KSR2: variants seen among roughly 807,000 people sequenced by gnomAD.
KSR2 encodes the protein kinase suppressor of ras 2.
A neutral mutation model predicts 107.8 loss-of-function variants in KSR2; 25 were observed. The ratio of observed to expected loss-of-function variants is 0.23; its 90% confidence interval spans 0.17 to 0.32. KSR2 has a LOEUF of 0.32. Among genes scored for constraint, KSR2 ranks in the 10% least tolerant of loss-of-function variants. KSR2 has a pLI of 1.00. For synonymous variants in KSR2, 480 were observed against 507.0 expected (o/e 0.95, Z 0.71); for missense variants, 887 against 1,268.9 (o/e 0.70, Z 4.57).
At chr12:117,585,255 A>G (rs1314612481) in intron 5 of KSR2, among the ~76,000 whole-genome samples, 1 of 151,928 alleles carries the variant, frequency 6.6e-6, no homozygotes, top group Non-Finnish European at 1.5e-5. Flanking sequence ...CCTTATTATC[A>G]CCACCTCTCC....
chr12:117,777,683 G>A (rs1297896637), intron 3 of KSR2, among the ~76,000 whole-genome samples: 1 of 152,152 alleles, frequency 6.6e-6, no homozygotes, highest in East Asian at 1.9e-4. Context: ...AGAAGGCAGA[G>A]CCCTGGACTC....
intron 4 of KSR2, among the ~76,000 whole-genome samples, chr12:117,737,881 C>T (rs4767600): frequency 0.9 from 136,020 of 151,682 alleles, 61,299 homozygotes; most frequent in African/African-American, 0.98. Flanking sequence ...ACACTTTTTT[C>T]CTAATAACAC....
At chr12:117,468,967 G>A (rs1298873334) in intron 19 of KSR2, among the ~76,000 whole-genome samples, 7 of 152,186 alleles carry the variant, frequency 4.6e-5, no homozygotes, top group Non-Finnish European at 8.8e-5. Flanking sequence ...GAATACCTGG[G>A]AGCAACTGGC....
chr12:117,733,246 C>T (rs1255134113), intron 4 of KSR2, among the ~76,000 whole-genome samples: 2 of 152,134 alleles, frequency 1.3e-5, no homozygotes, highest in African/African-American at 4.8e-5. Flanking sequence ...CTCCTGTCAC[C>T]CCATGCCGTA....
At chr12:117,819,951 T>C (rs957624773) in intron 3 of KSR2, among the ~76,000 whole-genome samples, 1 of 152,238 alleles carries the variant, frequency 6.6e-6, no homozygotes, top group Non-Finnish European at 1.5e-5. Context: ...AAAGGTTTTA[T>C]AATTAAAATG....
chr12:117,904,521 ATTACCC>A (rs1428498114), intron 1 of KSR2, among the ~76,000 whole-genome samples: 4 of 152,122 alleles, frequency 2.6e-5, no homozygotes, highest in African/African-American at 9.7e-5. Flanking sequence ...CGGTGGCCTT[ATTACCC>A]CTGTTCCACA....
At chr12:117,738,770 G>T (rs1888047322) in intron 4 of KSR2, among the ~76,000 whole-genome samples, 1 of 152,168 alleles carries the variant, frequency 6.6e-6, no homozygotes, top group Non-Finnish European at 1.5e-5. Context: ...AGCTACTCAG[G>T]AGGCTGAAGC....
intron 4 of KSR2, among the ~76,000 whole-genome samples, chr12:117,731,757 A>G (rs996505792): frequency 6.6e-6 from 1 of 151,854 alleles, no homozygotes; most frequent in Non-Finnish European, 1.5e-5. Context: ...GCTCTCTGAA[A>G]CATGTGCTGT....
chr12:117,606,597 T>TTCC lies in KSR2; in HGVS notation c.1172-24239_1172-24238insGGA, dbSNP rs1565923127. The stretch of plus-strand genomic sequence containing the variant: ...CCTCCCTTCCCTTCTTCCTTCCTTC[T>TTCC]TTCCTCCTTCCTTCCTTCCTCCCTC... On this transcript the variant is annotated intron_variant, in intron 5 of 19. Transcript: ENST00000339824. Among the ~76,000 whole-genome samples the TTCC allele has an allele frequency of 6.4e-4, 24 of 37,258 alleles. 1 individual carries two copies. Among genetic ancestry groups the TTCC allele is most frequent in the Non-Finnish European group, 1.1e-3 (22 of 19,202 alleles). The allele number at this position is 37,258 out of a possible 152,430, so 24.4% of individuals were successfully genotyped here. A position where few individuals can be genotyped will look rare whatever the true frequency, so the allele number is the denominator to read the frequency against.
intron 3 of KSR2, among the ~76,000 whole-genome samples, chr12:117,820,672 T>C (rs761056076): frequency 2.0e-5 from 3 of 150,568 alleles, no homozygotes; most frequent in Admixed American, 1.3e-4. Flanking sequence ...ACAAAGAACC[T>C]CCCTCCTTCC....
chr12:117,630,239 T>C (rs996823946), intron 5 of KSR2, among the ~76,000 whole-genome samples: 1 of 152,164 alleles, frequency 6.6e-6, no homozygotes, highest in Non-Finnish European at 1.5e-5. Context: ...AGATGACACA[T>C]ACTGTAGGTG....
At chr12:117,883,225 A>G (rs181745047) in intron 1 of KSR2, among the ~76,000 whole-genome samples, 11 of 152,370 alleles carry the variant, frequency 7.2e-5, no homozygotes, top group African/African-American at 2.6e-4. Context: ...ACATCACATC[A>G]GGCATATCAG....
At chr12:117,865,989 C>T (rs1379353131) in intron 1 of KSR2, among the ~76,000 whole-genome samples, 1 of 151,498 alleles carries the variant, frequency 6.6e-6, no homozygotes, top group African/African-American at 2.4e-5. Context: ...TTGAATGATA[C>T]TATGTCTTTA....
chr12:117,622,936 T>C (rs1882270576), intron 5 of KSR2, among the ~76,000 whole-genome samples: 1 of 152,194 alleles, frequency 6.6e-6, no homozygotes, highest in South Asian at 2.1e-4. Flanking sequence ...CCTAAAATTA[T>C]AGCATATTGA....
chr12:117,571,471 C>T (rs531516517), intron 7 of KSR2, among the ~76,000 whole-genome samples: 78 of 152,060 alleles, frequency 5.1e-4, no homozygotes, highest in Middle Eastern at 3.2e-3. Flanking sequence ...CTCTGAACCA[C>T]CTGGGGAAGG....
At chr12:117,484,275 T>C in intron 16 of KSR2, 141 bp downstream of exon 16, 1 of 891,810 alleles carries the variant, frequency 1.1e-6, no homozygotes, top group Admixed American at 2.5e-5. Context: ...GCATCCCACA[T>C]CAGTAGAGCA....
chr12:117,744,479 A>G (rs1159073498), intron 4 of KSR2, among the ~76,000 whole-genome samples: 6 of 152,158 alleles, frequency 3.9e-5, no homozygotes, highest in Non-Finnish European at 5.9e-5. Context: ...AAGGAAAGGA[A>G]TGCCTGAATT....
intron 14 of KSR2, among the ~76,000 whole-genome samples, chr12:117,508,546 G>A: frequency 6.6e-6 from 1 of 152,116 alleles, no homozygotes; most frequent in East Asian, 1.9e-4. Flanking sequence ...ACAGATGGGT[G>A]GGTAGGTAGG....
intron 4 of KSR2, among the ~76,000 whole-genome samples, chr12:117,755,033 G>C (rs1186687241): frequency 6.6e-6 from 1 of 152,178 alleles, no homozygotes; most frequent in Non-Finnish European, 1.5e-5. Flanking sequence ...GTGAAGGAGA[G>C]AAGAAACCAG....
Sources: allele counts gnomAD v4.1 joint callset (sites outside exome capture counted in the v4.1 genomes callset), GRCh38; gene constraint gnomAD v4.1.1; transcripts MANE v1.5; gene names NCBI Gene and HGNC (gene_info 2026-07-23, HGNC 2026-07-21).